Variants in HIP1 observed in about 807,000 individuals in gnomAD.
HIP1 encodes the protein huntingtin interacting protein 1, also known as huntingtin-interacting protein 1.
In HIP1, 65 loss-of-function variants were observed where a neutral mutation model predicts 147.6. The ratio of observed to expected loss-of-function variants is 0.44; its 90% CI spans 0.36 to 0.54. HIP1 has a LOEUF of 0.54. Ranked by LOEUF, HIP1 falls within the 20% of genes least tolerant of loss-of-function variation. HIP1 has a pLI of 0.00. For synonymous variants in HIP1, 479 were observed against 504.0 expected (o/e 0.95, Z 0.67); for missense variants, 1,061 against 1,299.6 (o/e 0.82, Z 2.82).
At chr7:75,548,819 G>T in intron 23 of HIP1, 72 bp downstream of exon 23, 2 of 1,143,836 alleles carry the variant, frequency 1.7e-6, no homozygotes, top group Non-Finnish European at 2.7e-6. Context: ...ACTGTGACAT[G>T]TTTAATGAGC....
chr7:75,599,290 T>C, intron 1 of HIP1, 43 bp from the exon 2 acceptor site: 2 of 1,460,324 alleles, frequency 1.4e-6, no homozygotes, highest in Non-Finnish European at 1.9e-6. Context: ...ATGAGATGAA[T>C]AAGCCTCTGA....
At chr7:75,606,636 G>C (rs1041069036) in intron 1 of HIP1, among the ~76,000 whole-genome samples, 19 of 152,054 alleles carry the variant, frequency 1.2e-4, no homozygotes, top group African/African-American at 4.3e-4. Context: ...AGCAGCAAGG[G>C]CCACAAGCTG....
At chr7:75,577,473 A>G (rs1554497934) in intron 7 of HIP1, among the ~76,000 whole-genome samples, 1 of 152,214 alleles carries the variant, frequency 6.6e-6, no homozygotes, top group Non-Finnish European at 1.5e-5. Flanking sequence ...CTTCTGGACC[A>G]GAGCTACCCG....
At chr7:75,700,362 G>A (rs1554519099) in intron 1 of HIP1, among the ~76,000 whole-genome samples, 1 of 152,122 alleles carries the variant, frequency 6.6e-6, no homozygotes, top group Non-Finnish European at 1.5e-5. Context: ...GTAGGCACTT[G>A]GGAAACCTTT....
At chr7:75,725,927 T>C (rs1299132485) in intron 1 of HIP1, among the ~76,000 whole-genome samples, 1 of 151,012 alleles carries the variant, frequency 6.6e-6, no homozygotes, top group African/African-American at 2.4e-5. Context: ...ATTCAAGCAA[T>C]TCTCCTGCCT....
At chr7:75,554,317 T>C (rs1162463198) in intron 20 of HIP1, 97 bp from the exon 21 acceptor site, 17 of 1,283,568 alleles carry the variant, frequency 1.3e-5, no homozygotes, top group African/African-American at 2.9e-5. Flanking sequence ...ATGCCTTTCT[T>C]GTATGAGTTG....
At chr7:75,592,193 G>GT in intron 3 of HIP1, 81 bp from the exon 4 acceptor site, 3 of 1,445,594 alleles carry the variant, frequency 2.1e-6, no homozygotes, top group Non-Finnish European at 2.9e-6. Context: ...AGAGGCGGAG[G>GT]TGAACCTAGG....
At chr7:75,723,949 TAGAGAGAG>T (rs113160173) in intron 1 of HIP1, among the ~76,000 whole-genome samples, 2 of 141,368 alleles carry the variant, frequency 1.4e-5, no homozygotes, top group Non-Finnish European at 1.6e-5. Flanking sequence ...TATATATATA[TAGAGAGAG>T]AGAGAGAGAG....
chr7:75,561,475 A>G, intron 12 of HIP1, 74 bp from the exon 13 acceptor site: 1 of 963,722 alleles, frequency 1.0e-6, no homozygotes, highest in Non-Finnish European at 1.7e-6. Context: ...AGCTCAGGGG[A>G]GGAAATTAAA....
At chr7:75,607,529 TAAAAAAAAA>T (rs140305342) in intron 1 of HIP1, among the ~76,000 whole-genome samples, 2 of 107,418 alleles carry the variant, frequency 1.9e-5, no homozygotes, top group Admixed American at 2.2e-4. Flanking sequence ...ATGCCCAGCC[TAAAAAAAAA>T]AAAAAAAAAA....
chr7:75,617,073 A>ATTT lies in HIP1; in HGVS notation c.121-17829_121-17827dup, dbSNP rs71519374. On this transcript the variant is annotated intron_variant, in intron 1 of 30. Coordinates refer to ENST00000336926, the MANE Select transcript of HIP1 (RefSeq NM_005338.7). The stretch of plus-strand genomic sequence containing the variant: ...AGGTGCATGCCACCACACCCAGCTA[A>ATTT]TTTTTTTTTTTTTTTTTTTTGAGAT... 7.3e-5 allele frequency among the ~76,000 whole-genome samples: 9 copies of ATTT among 123,528 alleles called. No homozygotes were observed. In the South Asian group the frequency reaches 1.9e-3, roughly 25 times the overall value. The allele number at this position is 123,528 out of a possible 152,430, so 81.0% of individuals were successfully genotyped here.
At chr7:75,668,832 A>C (rs1350920077) in intron 1 of HIP1, among the ~76,000 whole-genome samples, 1 of 152,212 alleles carries the variant, frequency 6.6e-6, no homozygotes, top group African/African-American at 2.4e-5. Flanking sequence ...AGAATTCACC[A>C]TTTTTAAAAA....
At chr7:75,559,958 C>T (rs587727800) in intron 13 of HIP1, 43 bp from the exon 14 acceptor site, 33 of 1,520,512 alleles carry the variant, frequency 2.2e-5, no homozygotes, top group Admixed American at 4.3e-5. Context: ...CCCACTGCCA[C>T]GGGTCACGGG....
At chr7:75,662,569 G>A (rs1799354632) in intron 1 of HIP1, among the ~76,000 whole-genome samples, 1 of 152,086 alleles carries the variant, frequency 6.6e-6, no homozygotes, top group African/African-American at 2.4e-5. Context: ...GCAGTTGCGT[G>A]ATCTCAGCTC....
At chr7:75,552,161 G>A (rs1169780870) in intron 22 of HIP1, among the ~76,000 whole-genome samples, 2 of 152,132 alleles carry the variant, frequency 1.3e-5, no homozygotes, top group African/African-American at 4.8e-5. Flanking sequence ...AAAATGTTGG[G>A]ATTACAGGCG....
rs953807942 is a variant in HIP1 at position 75,595,517 on chromosome 7, T to G, written c.185-3003A>C. 2.6e-5 allele frequency among the ~76,000 whole-genome samples: 4 copies of G among 151,760 alleles called. No homozygotes were observed. In the South Asian group the frequency reaches 6.2e-4, roughly 24 times the overall value. On this transcript the variant is annotated intron_variant, in intron 2 of 30. Coordinates refer to ENST00000336926, the MANE Select transcript of HIP1 (RefSeq NM_005338.7). Reference sequence around the variant, plus strand: ...GCCACCATGCCCGGCTAATTTTTGTTTTTTTTAGTAGAGACGGGGTTTCAC... The same window carrying G: ...GCCACCATGCCCGGCTAATTTTTGTGTTTTTTAGTAGAGACGGGGTTTCAC...
chr7:75,559,528 C>G (rs1795141818), intron 14 of HIP1, among the ~76,000 whole-genome samples: 1 of 152,216 alleles, frequency 6.6e-6, no homozygotes, highest in East Asian at 1.9e-4. Flanking sequence ...TCTCTGTGCT[C>G]AGCGGTGCCT....
chr7:75,611,915 G>T, intron 1 of HIP1: 1 of 993,822 alleles, frequency 1.0e-6, no homozygotes, highest in South Asian at 4.7e-5. Flanking sequence ...CCCATCCTCC[G>T]CTCGCCTGGG....
chr7:75,714,998 G>A (rs1801272696), intron 1 of HIP1, among the ~76,000 whole-genome samples: 1 of 152,164 alleles, frequency 6.6e-6, no homozygotes, highest in Non-Finnish European at 1.5e-5. Context: ...TCACACTTTG[G>A]AAGAGTCCTG....
Sources: gnomAD v4.1 joint callset for allele counts (sites outside exome capture counted in the v4.1 genomes callset) on GRCh38, gnomAD v4.1.1 for gene constraint, MANE v1.5 for transcripts, NCBI Gene and HGNC (gene_info 2026-07-23, HGNC 2026-07-21) for gene names.